Variants in SGCD observed in about 807,000 individuals in gnomAD.
The protein encoded by SGCD is sarcoglycan delta.
Under a neutral mutation model 36.6 loss-of-function variants are expected in SGCD, and 18 were observed. The ratio of observed to expected loss-of-function variants is 0.49; its 90% CI spans 0.34 to 0.73. The LOEUF (loss-of-function observed/expected upper bound fraction) is 0.73. SGCD is among the 30% of genes least tolerant of loss of function. The pLI, the probability that SGCD is intolerant of heterozygous loss-of-function variation, is 0.01. For missense variants in SGCD, 387 were observed against 346.7 expected (o/e 1.12, Z -0.92); for synonymous variants, 133 against 130.6 (o/e 1.02, Z -0.12).
At chr5:155,969,346 A>G (rs1435655725) in intron 1 of SGCD, among the ~76,000 whole-genome samples, 1 of 152,168 alleles carries the variant, frequency 6.6e-6, no homozygotes, top group African/African-American at 2.4e-5. Flanking sequence ...TTAAAGCATA[A>G]TGGTGATTTA....
chr5:155,935,357 C>A (rs997382646), intron 1 of SGCD, among the ~76,000 whole-genome samples: 7 of 152,090 alleles, frequency 4.6e-5, no homozygotes, highest in African/African-American at 1.7e-4. Context: ...TGGTTTCTTT[C>A]CCCTGGCTGG....
At chr5:156,708,114 C>T (rs999966858) in intron 7 of SGCD, among the ~76,000 whole-genome samples, 25 of 152,092 alleles carry the variant, frequency 1.6e-4, no homozygotes, top group South Asian at 1.0e-3. Flanking sequence ...AGGATAAGAA[C>T]GGACTTTGAA....
intron 3 of SGCD, among the ~76,000 whole-genome samples, chr5:156,218,403 T>A (rs1764631122): frequency 6.6e-6 from 1 of 152,010 alleles, no homozygotes; most frequent in Non-Finnish European, 1.5e-5. Flanking sequence ...GGAAAGAAAA[T>A]TGCAATAGAT....
chr5:155,820,237 T>C, the SGCD span, among the ~76,000 whole-genome samples: 6 of 152,232 alleles, frequency 3.9e-5, no homozygotes, highest in South Asian at 2.1e-4. Flanking sequence ...ATAGTTTTCC[T>C]ATAGAATCCC....
intron 1 of SGCD, among the ~76,000 whole-genome samples, chr5:156,058,417 G>A (rs972163401): frequency 2.1e-5 from 3 of 146,254 alleles, no homozygotes; most frequent in Admixed American, 1.4e-4. Context: ...TAATGTGCAT[G>A]TGAATCATCT....
At chr5:156,298,955 A>G (rs543915805) in intron 3 of SGCD, among the ~76,000 whole-genome samples, 7 of 152,036 alleles carry the variant, frequency 4.6e-5, no homozygotes, top group Non-Finnish European at 1.0e-4. Flanking sequence ...ATGAGATTGC[A>G]CTTGTATTTT....
chr5:155,942,750 C>G (rs963025268), intron 1 of SGCD, among the ~76,000 whole-genome samples: 2 of 152,124 alleles, frequency 1.3e-5, no homozygotes, highest in African/African-American at 4.8e-5. Flanking sequence ...GGATACCTAT[C>G]AAAATTCCTA....
Position 156,489,724 on chromosome 5 carries a change from G to A in SGCD, c.193-18877G>A, listed in dbSNP as rs116794918. On this transcript the variant is annotated intron_variant, in intron 3 of 8. Transcript: ENST00000337851. ...AAACCTATGCGATACAGGAAAAGCA[G>A]CACTAAGAGGAAAGTTTATAGCAAT... Among the ~76,000 whole-genome samples the A allele has an allele frequency of 1.3e-3, 191 of 152,090 alleles. 1 individual carries two copies. Among genetic ancestry groups the A allele is most frequent in the Non-Finnish European group, 1.9e-3 (126 of 67,910 alleles).
At chr5:155,863,213 A>T in the SGCD span, among the ~76,000 whole-genome samples, 17 of 152,284 alleles carry the variant, frequency 1.1e-4, no homozygotes, top group South Asian at 3.5e-3. Flanking sequence ...AGAGCTGTTG[A>T]ATAATGGCCG....
intron 7 of SGCD, among the ~76,000 whole-genome samples, chr5:156,656,707 T>C (rs1763696395): frequency 6.6e-6 from 1 of 152,186 alleles, no homozygotes; most frequent in South Asian, 2.1e-4. Context: ...GTGCACTACT[T>C]AATTTAGAAC....
intron 3 of SGCD, among the ~76,000 whole-genome samples, chr5:156,394,323 C>T (rs543643265): frequency 2.0e-5 from 3 of 152,276 alleles, no homozygotes; most frequent in Non-Finnish European, 4.4e-5. Context: ...ATGATCTCTT[C>T]AGTACTTTGA....
At chr5:155,877,028 G>C (rs141017213) in intron 1 of SGCD, among the ~76,000 whole-genome samples, 2 of 152,154 alleles carry the variant, frequency 1.3e-5, no homozygotes, top group African/African-American at 4.8e-5. Context: ...TGGTTGTACT[G>C]ACATGCTGAG....
intron 1 of SGCD, among the ~76,000 whole-genome samples, chr5:156,076,719 T>A (rs1760794312): frequency 6.6e-6 from 1 of 152,202 alleles, no homozygotes; most frequent in African/African-American, 2.4e-5. Flanking sequence ...TTTTTGTAGG[T>A]TTCACAACAA....
At chr5:155,892,357 AG>A (rs1756152012) in intron 1 of SGCD, among the ~76,000 whole-genome samples, 1 of 148,348 alleles carries the variant, frequency 6.7e-6, no homozygotes, top group Admixed American at 6.9e-5. Flanking sequence ...TTGGAGGTTG[AG>A]GCAGTAGAAT....
At chr5:156,471,089 A>G (rs146893506) in intron 3 of SGCD, among the ~76,000 whole-genome samples, 110 of 152,320 alleles carry the variant, frequency 7.2e-4, no homozygotes, top group African/African-American at 2.5e-3. Flanking sequence ...AGGTAGTATT[A>G]TTACAATAGA....
Position 156,375,195 on chromosome 5 carries a change from T to C in SGCD, c.192+30518T>C, listed in dbSNP as rs368679553. On this transcript the variant is annotated intron_variant, in intron 3 of 8. Coordinates refer to ENST00000337851, the MANE Select transcript of SGCD (RefSeq NM_000337.6). Reference sequence around the variant, plus strand: ...CCGATTTTTTCCGTCTGCTTCCCCATATGTGCTTTTTAAAAAACGATCTGA... The same window carrying C: ...CCGATTTTTTCCGTCTGCTTCCCCACATGTGCTTTTTAAAAAACGATCTGA... Among the ~76,000 whole-genome samples, 69 of 152,258 alleles carry C rather than the reference T, an allele frequency of 4.5e-4. No individual in the cohort carries two copies. The East Asian group carries it at 8.9e-3, about 20-fold the overall frequency.
intron 3 of SGCD, among the ~76,000 whole-genome samples, chr5:156,149,871 G>T (rs113092098): frequency 3.3e-5 from 5 of 152,266 alleles, no homozygotes; most frequent in African/African-American, 1.2e-4. Flanking sequence ...TGGTGTGTGG[G>T]CTAACGGAAA....
intron 1 of SGCD, among the ~76,000 whole-genome samples, chr5:155,910,976 G>A (rs1756616373): frequency 6.6e-6 from 1 of 152,100 alleles, no homozygotes; most frequent in Non-Finnish European, 1.5e-5. Context: ...GTATTTAGCT[G>A]CTTGTTCTAT....
At chr5:156,254,403 C>T (rs1765661109) in intron 3 of SGCD, among the ~76,000 whole-genome samples, 2 of 152,152 alleles carry the variant, frequency 1.3e-5, no homozygotes, top group African/African-American at 4.8e-5. Flanking sequence ...ATGCTCTAGT[C>T]GTTTTTAAAG....
Sources: allele counts gnomAD v4.1 joint callset (sites outside exome capture counted in the v4.1 genomes callset), GRCh38; gene constraint gnomAD v4.1.1; transcripts MANE v1.5; gene names NCBI Gene and HGNC (gene_info 2026-07-23, HGNC 2026-07-21).